The following CRB1 variants were observed in gnomAD, a reference collection of about 807,000 sequenced individuals.
The protein encoded by CRB1 is crumbs cell polarity complex component 1.
Under a neutral mutation model 120.0 loss-of-function variants are expected in CRB1, and 83 were observed. That is an observed-to-expected ratio of 0.69 (90% confidence interval 0.58 to 0.83). CRB1 has a LOEUF of 0.83. Ranked by LOEUF, CRB1 falls within the 40% of genes least tolerant of loss-of-function variation. CRB1 has a pLI of 0.00. For synonymous variants in CRB1, 625 were observed against 612.5 expected, an observed-to-expected ratio of 1.02 and a Z score of -0.30; for missense variants, 1,699 against 1,687.6, an observed-to-expected ratio of 1.01 and a Z score of -0.12.
intron 1 of CRB1, among the ~76,000 whole-genome samples, chr1:197,311,694 A>G (rs1657528585): frequency 8.3e-6 from 1 of 120,404 alleles, no homozygotes; most frequent in South Asian, 2.8e-4. Flanking sequence ...CACCTCATAT[A>G]GTTAGTGTGT....
chr1:197,449,922 C>T (rs988495831), intron 11 of CRB1, among the ~76,000 whole-genome samples: 1 of 152,178 alleles, frequency 6.6e-6, no homozygotes, highest in African/African-American at 2.4e-5. Flanking sequence ...CACTTTCTAG[C>T]TGCTGTGGTG....
At chr1:197,290,265 C>CGTGTGTGTGT (rs10540136) in intron 1 of CRB1, among the ~76,000 whole-genome samples, 2,457 of 136,954 alleles carry the variant, frequency 0.018, 81 homozygotes, top group African/African-American at 0.06. Flanking sequence ...TGTTCCCTTT[C>CGTGTGTGTGT]GTGTGTGTGT....
In CRB1 at chr1:197,477,919, G is replaced by T; in HGVS notation, c.*40G>T. On this transcript the variant is annotated 3_prime_UTR_variant, in exon 12 of 12. Coordinates refer to ENST00000367400, the MANE Select transcript of CRB1 (RefSeq NM_201253.3). ...TTCGAGATGGGGATCCACACACTGT[G>T]AATGTGATGACTGTACTTCAGGTAT... 1 of 1,579,444 alleles carries T rather than the reference G, an allele frequency of 6.3e-7. No homozygotes were observed. Among genetic ancestry groups the T allele is most frequent in the Non-Finnish European group, 8.7e-7 (1 of 1,148,634 alleles).
chr1:197,431,162 A>G (rs982748738), intron 8 of CRB1, among the ~76,000 whole-genome samples: 4 of 152,306 alleles, frequency 2.6e-5, no homozygotes, highest in African/African-American at 7.2e-5. Context: ...TAGCAATGAC[A>G]TACTATCTAG....
the CRB1 span, among the ~76,000 whole-genome samples, chr1:197,214,488 C>G: frequency 6.6e-6 from 1 of 152,006 alleles, no homozygotes; most frequent in Non-Finnish European, 1.5e-5. Flanking sequence ...GATTTTGGTA[C>G]CCATGGGTGG....
At position 197,435,460 on chromosome 1, in the gene CRB1, C is replaced by T; in HGVS notation, c.3597C>T (p.His1199=). ...GCTCTGACAGAGTTGCAGCCTACCA[C>T]TGCACATGTGAGCCTGGATACACTG... is the stretch of plus-strand genomic sequence containing the variant. The part of the protein sequence containing the change: ...GNCSDRVAAY[H]CTCEPGYTGV... Residue 1199 remains histidine (H), a synonymous_variant, in exon 9 of 12, where the codon CAC becomes CAT. Transcript: ENST00000367400. 2 of 1,597,446 alleles carry T rather than the reference C, an allele frequency of 1.3e-6. No individual in the cohort carries two copies. Among genetic ancestry groups the T allele is most frequent in the Non-Finnish European group, 1.7e-6 (2 of 1,171,348 alleles).
chr1:197,448,034 T>A (rs569670272), intron 11 of CRB1, among the ~76,000 whole-genome samples: 12 of 152,300 alleles, frequency 7.9e-5, no homozygotes, highest in East Asian at 3.9e-4. Context: ...CTGACTTTTT[T>A]AAATCTTACA....
Position 197,420,989 on chromosome 1 carries a change from T to A in CRB1, c.1172-11T>A, listed in dbSNP as rs772987642. ...TATATATAATTTTAGCCCTTTTTTA[T>A]TATTTAACAGGAATCCACTGCGAAG... On this transcript the variant is annotated splice_polypyrimidine_tract_variant and intron_variant, in intron 5 of 11. Coordinates refer to ENST00000367400, the MANE Select transcript of CRB1 (RefSeq NM_201253.3). The A allele has an allele frequency of 2.0e-6, 3 of 1,465,812 alleles. No homozygotes were observed. In the East Asian group the frequency reaches 6.8e-5, roughly 33 times the overall value. The allele number at this position is 1,465,812 out of a possible 1,614,324, so 90.8% of individuals were successfully genotyped here.
the CRB1 span, among the ~76,000 whole-genome samples, chr1:197,252,582 A>ATATATATATGTGTGTGTG: frequency 9.7e-4 from 15 of 15,498 alleles, no homozygotes; most frequent in Admixed American, 2.3e-3. Context: ...ATATATATAT[A>ATATATATATGTGTGTGTG]TGTGTGTGTG....
rs758723407 is a variant in CRB1, at chr1:197,427,865, T to C, written c.2540T>C (p.Phe847Ser). 2 of 1,614,070 alleles carry C rather than the reference T, an allele frequency of 1.2e-6. No individual in the cohort carries two copies. Among genetic ancestry groups the C allele is most frequent in the Non-Finnish European group, 1.7e-6 (2 of 1,179,974 alleles). Reference sequence around the variant, plus strand: ...CAAGAGACTGAACTTAATGGTGGATTCTTCAAAGGCTGTATCCAAGATGTA... The same window carrying C: ...CAAGAGACTGAACTTAATGGTGGATCCTTCAAAGGCTGTATCCAAGATGTA... ...DKQETELNGG[F>S]FKGCIQDVRL... Residue 847 changes from phenylalanine to serine, a missense_variant, in exon 7 of 12, where the codon TTC (phenylalanine) becomes TCC (serine). Phe to Ser is a radical substitution (Grantham distance 155, BLOSUM62 -2). Coordinates refer to ENST00000367400, the MANE Select transcript of CRB1 (RefSeq NM_201253.3).
chr1:197,451,165 A>G (rs977364966), intron 11 of CRB1, among the ~76,000 whole-genome samples: 1 of 152,210 alleles, frequency 6.6e-6, no homozygotes, highest in African/African-American at 2.4e-5. Flanking sequence ...AATAGTGTAG[A>G]GAATACTTAA....
intron 5 of CRB1, among the ~76,000 whole-genome samples, chr1:197,377,582 A>C (rs1661715523): frequency 6.6e-6 from 1 of 152,188 alleles, no homozygotes; most frequent in Non-Finnish European, 1.5e-5. Context: ...TATTTTGATA[A>C]ATTAAGTTTT....
chr1:197,364,425 T>G (rs1262535105), intron 5 of CRB1, among the ~76,000 whole-genome samples: 1 of 152,230 alleles, frequency 6.6e-6, no homozygotes, highest in African/African-American at 2.4e-5. Context: ...ATTTATGTCT[T>G]TTGGCAAATT....
the CRB1 span, among the ~76,000 whole-genome samples, chr1:197,209,835 G>T: frequency 1.3e-5 from 2 of 152,216 alleles, no homozygotes; most frequent in Non-Finnish European, 2.9e-5. Context: ...TCCTTCCCCT[G>T]TGATCTGGAC....
At chr1:197,405,508 A>T (rs1443173734) in intron 5 of CRB1, among the ~76,000 whole-genome samples, 5 of 151,914 alleles carry the variant, frequency 3.3e-5, no homozygotes, top group African/African-American at 1.2e-4. Context: ...CCCGTCTGGG[A>T]AGTGAGGAGC....
the CRB1 span, among the ~76,000 whole-genome samples, chr1:197,210,299 A>G: frequency 8.2e-4 from 125 of 152,342 alleles, 2 homozygotes; most frequent in East Asian, 0.017. Context: ...TGTGATTAAC[A>G]GGCAAATAAG....
At chr1:197,249,474 T>C in the CRB1 span, among the ~76,000 whole-genome samples, 1 of 151,932 alleles carries the variant, frequency 6.6e-6, no homozygotes, top group African/African-American at 2.4e-5. Context: ...ACTAGAAGTG[T>C]ATAAACTATA....
chr1:197,252,777 T>TC, the CRB1 span, among the ~76,000 whole-genome samples: 2 of 150,466 alleles, frequency 1.3e-5, no homozygotes, highest in African/African-American at 4.9e-5. Flanking sequence ...TCAGCTCAAG[T>TC]CCGAAGGCCA....
rs1180527322 is a variant in CRB1 at position 197,421,933 on chromosome 1, A to G, written c.2105A>G (p.Tyr702Cys). ...LSYQCDCHRPYEGPNCLREYV... is the reference protein window; with the variant it reads ...LSYQCDCHRPCEGPNCLREYV... ...TACCAGTGTGACTGCCACAGGCCCT[A>G]TGAAGGCCCCAACTGTCTGAGAGGT... Residue 702 changes from tyrosine (Y) to cysteine (C), a missense_variant, in exon 6 of 12, where the codon TAT becomes TGT. Tyr to Cys is a radical substitution (Grantham distance 194). Coordinates refer to ENST00000367400, the MANE Select transcript of CRB1 (RefSeq NM_201253.3). 6 of 1,613,984 alleles carry G rather than the reference A, an allele frequency of 3.7e-6. No homozygotes were observed. Among genetic ancestry groups the G allele is most frequent in the Non-Finnish European group, 5.1e-6 (6 of 1,180,036 alleles).
Sources: allele counts gnomAD v4.1 joint callset (sites outside exome capture counted in the v4.1 genomes callset), GRCh38; gene constraint gnomAD v4.1.1; transcripts MANE v1.5; gene names NCBI Gene and HGNC (gene_info 2026-07-23, HGNC 2026-07-21).